Variants in MMP15 observed in about 807,000 individuals in gnomAD.
MMP15 encodes matrix metalloproteinase-15.
MMP15 carries 36 observed loss-of-function variants against 65.0 expected under a neutral mutation model. The observed-to-expected ratio is 0.55, with a 90% CI of 0.42 to 0.73. MMP15 has a LOEUF of 0.73. Among genes scored for constraint, MMP15 ranks in the 30% least tolerant of loss-of-function variants. The probability of loss-of-function intolerance (pLI) is 0.00; values close to 1 mark genes in which losing one functional copy is unlikely to be tolerated. For synonymous variants in MMP15, 428 were observed against 410.2 expected, an observed-to-expected ratio of 1.04 and a Z score of -0.52; for missense variants, 870 against 987.8, an observed-to-expected ratio of 0.88 and a Z score of 1.60.
Position 58,038,336 on chromosome 16 carries a change from C to T in MMP15, c.382C>T (p.Arg128Cys), listed in dbSNP as rs1187420600. 3.1e-6 allele frequency: 5 copies of T among 1,613,910 alleles called. No individual in the cohort carries two copies. The highest frequency in any genetic ancestry group is 1.7e-5 in the Admixed American group (1 of 60,002). Residue 128 changes from arginine (R) to cysteine (C), a missense_variant, in exon 3 of 10, where the codon CGT (arginine) becomes TGT (cysteine). Physicochemically the swap from Arg to Cys is radical, Grantham distance 180. Transcript: ENST00000219271. ...ACGAGTGAAAGCCAACCTGCGGCGGCGTCGGAAGCGCTACGCCCTCACCGG... is the reference window on the plus strand; with the variant it reads ...ACGAGTGAAAGCCAACCTGCGGCGGTGTCGGAAGCGCTACGCCCTCACCGG... ...GVRVKANLRR[R>C]RKRYALTGRK... is the part of the protein sequence containing the mutation.
intron 7 of MMP15, 123 bp from the exon 8 acceptor site, chr16:58,043,087 A>G: frequency 3.3e-6 from 3 of 919,432 alleles, no homozygotes; most frequent in South Asian, 1.8e-5. Context: ...ACCTCATTGT[A>G]TGTTGTCTTG....
rs779342878 is a variant in MMP15 at position 58,040,115 on chromosome 16, C to T, written c.681C>T (p.Pro227=). Residue 227 remains proline, a synonymous_variant, in exon 4 of 10, where the codon CCC becomes CCT. Coordinates refer to ENST00000219271, the MANE Select transcript of MMP15 (RefSeq NM_002428.4). The part of the protein sequence containing the change: ...GFLAHAYFPG[P]GLGGDTHFDA... ...TGGCCCACGCCTATTTCCCTGGCCCCGGCCTAGGCGGGGACACCCATTTTG... is the reference window on the plus strand; with the variant it reads ...TGGCCCACGCCTATTTCCCTGGCCCTGGCCTAGGCGGGGACACCCATTTTG... 4.2e-5 allele frequency: 67 copies of T among 1,613,678 alleles called. No individual in the cohort carries two copies. The highest frequency in any genetic ancestry group is 3.3e-4 in the Middle Eastern group (2 of 6,084).
Position 58,042,222 on chromosome 16 carries a change from C to T in MMP15, c.1165-9C>T, listed in dbSNP as rs41334654. On this transcript the variant is annotated splice_polypyrimidine_tract_variant and intron_variant, in intron 6 of 9. Transcript: ENST00000219271. ...CCTGCGCTGCCCGCTCACACTATGC[C>T]CTCCCCAGGGCCGCTGGTTCTGGCG... 1.9e-3 allele frequency: 3,029 copies of T among 1,611,890 alleles called. 60 individuals carry two copies. The African/African-American group carries it at 0.036, about 19-fold the overall frequency.
chr16:58,045,461 T>G lies in MMP15; in HGVS notation c.*15T>G. 1 of 1,493,788 alleles carries G rather than the reference T, an allele frequency of 6.7e-7. No individual in the cohort carries two copies. The highest frequency in any genetic ancestry group is 2.1e-5 in the Admixed American group (1 of 47,230). The allele number at this position is 1,493,788 out of a possible 1,614,324, so 92.5% of individuals were successfully genotyped here. A position where few individuals can be genotyped will look rare whatever the true frequency, so the allele number is the denominator to read the frequency against. On this transcript the variant is annotated 3_prime_UTR_variant, in exon 10 of 10. Transcript: ENST00000219271. ...AGTGGGTCTGACCACCCAGCGCTCCTGCTAACGGTGCTCAGGGGGCGCCTG... is the reference window on the plus strand; with the variant it reads ...AGTGGGTCTGACCACCCAGCGCTCCGGCTAACGGTGCTCAGGGGGCGCCTG...
chr16:58,029,146 G>A (rs754385849), intron 1 of MMP15, among the ~76,000 whole-genome samples: 50 of 152,366 alleles, frequency 3.3e-4, no homozygotes, highest in Non-Finnish European at 5.7e-4. Context: ...AGGCCCACGA[G>A]TATCTTCCTA....
At position 58,045,654 on chromosome 16, in the gene MMP15, G is replaced by C. The variant is rs1475301422; in HGVS notation, c.*208G>C. The C allele has an allele frequency of 3.5e-6, 2 of 570,030 alleles. No individual in the cohort carries two copies. The highest frequency in any genetic ancestry group is 6.1e-6 in the Non-Finnish European group (2 of 327,488). 35.3% of individuals were successfully genotyped at this position (570,030 alleles called of 1,614,324 possible). On this transcript the variant is annotated 3_prime_UTR_variant, in exon 10 of 10. Coordinates refer to ENST00000219271, the MANE Select transcript of MMP15 (RefSeq NM_002428.4). ...TGTTTCTGTTTCCCCGACTGGGGCAGGGTGTTTAGAATTTTCTAAATGTAG... is the reference window on the plus strand; with the variant it reads ...TGTTTCTGTTTCCCCGACTGGGGCACGGTGTTTAGAATTTTCTAAATGTAG...
At chr16:58,038,720 C>A (rs1428320732) in intron 3 of MMP15, among the ~76,000 whole-genome samples, 1 of 152,214 alleles carries the variant, frequency 6.6e-6, no homozygotes, top group African/African-American at 2.4e-5. Flanking sequence ...ATCAAGTGAA[C>A]AGGCAGCAAG....
intron 1 of MMP15, among the ~76,000 whole-genome samples, chr16:58,036,748 T>A (rs911051052): frequency 2.6e-5 from 4 of 152,132 alleles, no homozygotes; most frequent in African/African-American, 9.7e-5. Context: ...AGATTTAAGG[T>A]CTTTGGGGAG....
chr16:58,035,473 A>G (rs1959312100), intron 1 of MMP15, among the ~76,000 whole-genome samples: 3 of 152,196 alleles, frequency 2.0e-5, no homozygotes, highest in African/African-American at 7.2e-5. Context: ...TGCCCCAGGG[A>G]CAACCACACA....
chr16:58,040,807 A>G, intron 5 of MMP15, 109 bp downstream of exon 5: 1 of 1,440,708 alleles, frequency 6.9e-7, no homozygotes. Context: ...CCCAAGGCTC[A>G]GTGAGGATTA....
chr16:58,043,735 G>T (rs1311380861), intron 9 of MMP15, 108 bp downstream of exon 9: 40 of 757,320 alleles, frequency 5.3e-5, no homozygotes, highest in Non-Finnish European at 2.1e-5. Flanking sequence ...GGTGTGTATG[G>T]GTGACAAGCT....
At chr16:58,043,102 T>C (rs553630821) in intron 7 of MMP15, 108 bp from the exon 8 acceptor site, 17 of 1,048,558 alleles carry the variant, frequency 1.6e-5, no homozygotes, top group Admixed American at 3.0e-5. Context: ...GTCTTGAATA[T>C]GTAGAGGGGT....
Position 58,040,081 on chromosome 16 carries a change from G to A in MMP15, c.647G>A (p.Gly216Asp), listed in dbSNP as rs1959419523. 1.9e-6 allele frequency: 3 copies of A among 1,614,118 alleles called. No individual in the cohort carries two copies. The highest frequency in any genetic ancestry group is 2.5e-6 in the Non-Finnish European group (3 of 1,180,054). Reference protein sequence around the residue: ...HGDSSPFDGTGGFLAHAYFPG... With the variant: ...HGDSSPFDGTDGFLAHAYFPG... ...GACAGCTCGCCGTTTGATGGCACCGGTGGCTTTCTGGCCCACGCCTATTTC... is the reference window on the plus strand; with the variant it reads ...GACAGCTCGCCGTTTGATGGCACCGATGGCTTTCTGGCCCACGCCTATTTC... The change falls in exon 4 of 10, where the codon GGT (glycine) becomes GAT (aspartate). Residue 216 changes from glycine (G) to aspartate (D), a missense_variant. Transcript: ENST00000219271.
intron 7 of MMP15, 97 bp from the exon 8 acceptor site, chr16:58,043,113 G>A (rs1959486367): frequency 8.5e-7 from 1 of 1,170,448 alleles, no homozygotes; most frequent in Non-Finnish European, 1.2e-6. Context: ...GTAGAGGGGT[G>A]TGAGTGTGAT....
intron 1 of MMP15, 145 bp downstream of exon 1, chr16:58,026,657 G>A (rs752331080): frequency 2.2e-6 from 2 of 928,256 alleles, no homozygotes; most frequent in East Asian, 3.3e-5. Flanking sequence ...GGACTTGGCA[G>A]TCTGCCCCTC....
In MMP15 at chr16:58,041,982, G is replaced by T. The variant is rs1475112759; in HGVS notation, c.1164+112G>T. On this transcript the variant is annotated intron_variant, in intron 6 of 9. Coordinates refer to ENST00000219271, the MANE Select transcript of MMP15 (RefSeq NM_002428.4). ...GGGAGCCATTAAGCCCTCAGCTCTA[G>T]ATGGGGAGGAATCCAGCCCAAGAGG... 5 of 1,325,306 alleles carry T rather than the reference G, an allele frequency of 3.8e-6. No individual in the cohort carries two copies. In the East Asian group the frequency reaches 1.2e-4, roughly 33 times the overall value. 82.1% of individuals were successfully genotyped at this position (1,325,306 alleles called of 1,614,324 possible).
chr16:58,034,770 T>A (rs956846533), intron 1 of MMP15, among the ~76,000 whole-genome samples: 1 of 152,160 alleles, frequency 6.6e-6, no homozygotes, highest in African/African-American at 2.4e-5. Flanking sequence ...AACTCAATAC[T>A]GTTTCTCTGT....
rs1329889200 is a variant in MMP15 at position 58,040,542 on chromosome 16, A to C, written c.754A>C (p.Asn252His). 1 of 1,612,928 alleles carries C rather than the reference A, an allele frequency of 6.2e-7. No individual in the cohort carries two copies. The highest frequency in any genetic ancestry group is 8.5e-7 in the Non-Finnish European group (1 of 1,179,956). ...CCTCCTTCTCTCCCCAAAAGGAAAC[A>C]ACCTCTTCCTGGTGGCAGTGCATGA... ...TFSSTDLHGN[N>H]LFLVAVHELG... is the part of the protein sequence containing the mutation. Residue 252 changes from asparagine to histidine, a missense_variant, in exon 5 of 10, where the codon AAC becomes CAC. Transcript: ENST00000219271.
chr16:58,035,392 CA>C (rs1959310491), intron 1 of MMP15, among the ~76,000 whole-genome samples: 1 of 152,192 alleles, frequency 6.6e-6, no homozygotes, highest in African/African-American at 2.4e-5. Context: ...CCTGGCCCAT[CA>C]CCAGTCTTGG....
Sources: gnomAD v4.1 joint callset for allele counts (sites outside exome capture counted in the v4.1 genomes callset) on GRCh38, gnomAD v4.1.1 for gene constraint, MANE v1.5 for transcripts, NCBI Gene and HGNC (gene_info 2026-07-23, HGNC 2026-07-21) for gene names.